The following IFT43 variants were observed in gnomAD, a reference collection of about 807,000 sequenced individuals.
The protein encoded by IFT43 is intraflagellar transport 43.
IFT43 carries 33 observed loss-of-function variants against 32.3 expected under a neutral mutation model. The observed-to-expected ratio is 1.02, with a 90% CI of 0.77 to 1.37. The LOEUF (loss-of-function observed/expected upper bound fraction) is 1.37. IFT43 is among the 40% of genes most tolerant of loss of function. The pLI is 0.00. For missense variants in IFT43, 274 were observed against 265.9 expected, an observed-to-expected ratio of 1.03 and a Z score of -0.21; for synonymous variants, 93 against 98.2, an observed-to-expected ratio of 0.95 and a Z score of 0.31.
At chr14:75,989,113 C>T in intron 2 of IFT43, 136 bp downstream of exon 2, 2 of 1,140,000 alleles carry the variant, frequency 1.8e-6, no homozygotes, top group South Asian at 2.7e-5. Flanking sequence ...TGGGAATTCC[C>T]TTCCTTGGCA....
chr14:76,062,848 C>A (rs1261363329), intron 5 of IFT43, among the ~76,000 whole-genome samples: 1 of 134,550 alleles, frequency 7.4e-6, no homozygotes, highest in African/African-American at 2.8e-5. Flanking sequence ...ACCTGGGAGG[C>A]AGAGGTTGCA....
intron 3 of IFT43, among the ~76,000 whole-genome samples, chr14:76,054,271 C>T (rs988366839): frequency 2.0e-5 from 3 of 152,214 alleles, no homozygotes; most frequent in African/African-American, 7.2e-5. Flanking sequence ...TCTCCAGCTT[C>T]CAATTTGCTG....
chr14:76,072,066 C>T (rs2037331643), intron 5 of IFT43, among the ~76,000 whole-genome samples: 2 of 152,220 alleles, frequency 1.3e-5, no homozygotes, highest in South Asian at 4.1e-4. Flanking sequence ...GTCTTGTCCA[C>T]AGCAGGGCCT....
In IFT43 at chr14:76,083,241, C is replaced by T; in HGVS notation, c.459C>T (p.Asp153=). Residue 153 remains aspartate, a synonymous_variant, in exon 8 of 9, where the codon GAC becomes GAT. Coordinates refer to ENST00000314067, the MANE Select transcript of IFT43 (RefSeq NM_001102564.3). The part of the protein sequence containing the change: ...SAIQTLDGEI[D]LKLLTKVLAP... Reference sequence around the variant, plus strand: ...TGCATTCACAGGATGGGGAGATCGACCTGAAACTCCTCACCAAAGTGCTCG... The same window carrying T: ...TGCATTCACAGGATGGGGAGATCGATCTGAAACTCCTCACCAAAGTGCTCG... 4 of 1,614,118 alleles carry T rather than the reference C, an allele frequency of 2.5e-6. No individual in the cohort carries two copies. The highest frequency in any genetic ancestry group is 3.4e-6 in the Non-Finnish European group (4 of 1,179,996).
intron 1 of IFT43, among the ~76,000 whole-genome samples, chr14:75,987,264 G>A (rs1235357119): frequency 6.6e-6 from 1 of 152,124 alleles, no homozygotes; most frequent in Non-Finnish European, 1.5e-5. Flanking sequence ...CATGGTGAAG[G>A]GATGGAATTG....
At chr14:76,038,308 G>A (rs2036642242) in intron 3 of IFT43, among the ~76,000 whole-genome samples, 1 of 152,156 alleles carries the variant, frequency 6.6e-6, no homozygotes, top group Non-Finnish European at 1.5e-5. Flanking sequence ...GGTTTTTGGA[G>A]ATGCTCGTGT....
chr14:76,010,586 A>G (rs2036064480), intron 2 of IFT43, among the ~76,000 whole-genome samples: 3 of 151,980 alleles, frequency 2.0e-5, no homozygotes, highest in South Asian at 2.1e-4. Flanking sequence ...ATATTTAAAA[A>G]TAGAATATAT....
chr14:76,029,218 A>T (rs111496972), intron 3 of IFT43, among the ~76,000 whole-genome samples: 1 of 152,280 alleles, frequency 6.6e-6, no homozygotes, highest in South Asian at 2.1e-4. Context: ...TCTGATAGTG[A>T]TGTTAAGCAT....
intron 5 of IFT43, among the ~76,000 whole-genome samples, chr14:76,068,257 C>T (rs2037261016): frequency 6.6e-6 from 1 of 152,166 alleles, no homozygotes; most frequent in African/African-American, 2.4e-5. Flanking sequence ...ATGTGAAAGA[C>T]CTTCCAAGGA....
chr14:76,010,601 T>C (rs1470621179), intron 2 of IFT43, among the ~76,000 whole-genome samples: 2 of 151,966 alleles, frequency 1.3e-5, no homozygotes, highest in Non-Finnish European at 2.9e-5. Flanking sequence ...ATATATGTTT[T>C]ATACATAATT....
chr14:76,063,276 C>T (rs370617712), intron 5 of IFT43, among the ~76,000 whole-genome samples: 1 of 152,224 alleles, frequency 6.6e-6, no homozygotes, highest in Admixed American at 6.5e-5. Context: ...TAATGCGTAA[C>T]CCCCTCTAAG....
chr14:76,029,465 T>A (rs1392574837), intron 3 of IFT43, among the ~76,000 whole-genome samples: 3 of 152,258 alleles, frequency 2.0e-5, no homozygotes, highest in African/African-American at 7.2e-5. Context: ...GTTAATTTAA[T>A]TAGATCCCAC....
intron 5 of IFT43, among the ~76,000 whole-genome samples, chr14:76,072,758 C>T (rs2037343894): frequency 6.6e-6 from 1 of 152,076 alleles, no homozygotes; most frequent in South Asian, 2.1e-4. Flanking sequence ...TTAAATCTCC[C>T]CAGAATCATT....
chr14:76,022,438 G>A (rs748798306), intron 3 of IFT43, 44 bp downstream of exon 3: 33 of 1,135,894 alleles, frequency 2.9e-5, no homozygotes, highest in Admixed American at 9.3e-5. Flanking sequence ...GGGTGCACAC[G>A]GTTGGGGGGA....
At chr14:76,066,357 C>T (rs556520106) in intron 5 of IFT43, among the ~76,000 whole-genome samples, 1 of 152,280 alleles carries the variant, frequency 6.6e-6, no homozygotes, top group African/African-American at 2.4e-5. Context: ...GGAGGGATGC[C>T]TCTTCTCCAA....
chr14:75,992,192 C>T (rs1034728959), intron 2 of IFT43, among the ~76,000 whole-genome samples: 4 of 152,114 alleles, frequency 2.6e-5, no homozygotes, highest in East Asian at 1.9e-4. Context: ...CACAGGGCTT[C>T]GCACCAGAGG....
intron 4 of IFT43, 77 bp downstream of exon 4, chr14:76,058,751 C>G: frequency 6.2e-7 from 1 of 1,605,902 alleles, no homozygotes; most frequent in Non-Finnish European, 8.5e-7. Context: ...TGGTCATGAT[C>G]TGTTCCACCT....
chr14:76,009,749 C>A (rs1006255529), intron 2 of IFT43, among the ~76,000 whole-genome samples: 4 of 151,642 alleles, frequency 2.6e-5, no homozygotes, highest in Admixed American at 1.3e-4. Flanking sequence ...TAGTCTGTGG[C>A]AGAGCAAGGA....
chr14:76,071,695 G>T (rs1272916072), intron 5 of IFT43, among the ~76,000 whole-genome samples: 1 of 152,236 alleles, frequency 6.6e-6, no homozygotes, highest in Non-Finnish European at 1.5e-5. Context: ...AATTCAGGAA[G>T]TGGTGAGTTT....
Sources: allele counts gnomAD v4.1 joint callset (sites outside exome capture counted in the v4.1 genomes callset), GRCh38; gene constraint gnomAD v4.1.1; transcripts MANE v1.5; gene names NCBI Gene and HGNC (gene_info 2026-07-23, HGNC 2026-07-21).